Variants in RTL9 observed in about 807,000 individuals in gnomAD.
The protein encoded by RTL9 is retrotransposon Gag-like protein 9.
A neutral mutation model predicts 44.7 loss-of-function variants in RTL9; 19 were observed. The observed-to-expected ratio is 0.42, with a 90% confidence interval of 0.30 to 0.62. The LOEUF is 0.62. Among genes scored for constraint, RTL9 ranks in the 20% least tolerant of loss-of-function variants. The pLI is 0.16. For synonymous variants in RTL9, 407 were observed against 398.9 expected (o/e 1.02, Z -0.24); for missense variants, 1,105 against 1,080.6 (o/e 1.02, Z -0.32).
chrX:110,378,883 A>G (rs904820907), intron 1 of RTL9, among the ~76,000 whole-genome samples: 1 of 109,599 alleles, frequency 9.1e-6, no homozygotes, highest in Admixed American at 9.6e-5. Flanking sequence ...CAGCTTCTCC[A>G]TGGAGAAGAC....
chrX:110,426,619 C>T (rs760036188), intron 1 of RTL9: 1 of 112,255 alleles, frequency 8.9e-6, no homozygotes, highest in Non-Finnish European at 1.9e-5. Flanking sequence ...CAGCCCTATA[C>T]ATATTTGTTA....
intron 1 of RTL9, among the ~76,000 whole-genome samples, chrX:110,380,283 A>G (rs1338315847): frequency 8.9e-6 from 1 of 112,069 alleles, no homozygotes; most frequent in Non-Finnish European, 1.9e-5. Context: ...ACAATAAAAG[A>G]TTTTGTAGTA....
At position 110,385,875 on chromosome X, in the gene RTL9, G is replaced by A. The variant is rs766534304; in HGVS notation, c.-168+26959G>A. Among the ~76,000 whole-genome samples, 4 of 111,276 alleles carry A rather than the reference G, an allele frequency of 3.6e-5. No homozygotes were observed. The South Asian group carries it at 1.5e-3, about 43-fold the overall frequency. Reference sequence around the variant, plus strand: ...ATCGTTCCCATATTTATGTCCATGTGTACCCAGTGTTTAGCTCCCACTTAC... The same window carrying A: ...ATCGTTCCCATATTTATGTCCATGTATACCCAGTGTTTAGCTCCCACTTAC... On this transcript the variant is annotated intron_variant, in intron 1 of 2. Coordinates refer to the RTL9 transcript ENST00000520821.
Position 110,398,951 on chromosome X carries a change from A to G in RTL9, c.-168+40035A>G, listed in dbSNP as rs1176917921. Among the ~76,000 whole-genome samples, 5 of 112,205 alleles carry G rather than the reference A, an allele frequency of 4.5e-5. No individual in the cohort carries two copies. The East Asian group carries it at 1.4e-3, about 31-fold the overall frequency. On this transcript the variant is annotated intron_variant, in intron 1 of 2. Transcript: ENST00000520821. ...TATGTTTTTGCTCATTAGGAAAAAA[A>G]TGCTATGACTGATTATTGATACCTG...
intron 1 of RTL9, among the ~76,000 whole-genome samples, chrX:110,424,245 C>G (rs2068738869): frequency 8.9e-6 from 1 of 111,776 alleles, no homozygotes; most frequent in Non-Finnish European, 1.9e-5. Flanking sequence ...CCCGTCACAG[C>G]TCTTGAGGAC....
At chrX:110,425,729 TGAGA>T (rs1174465187) in intron 1 of RTL9, among the ~76,000 whole-genome samples, 1 of 112,201 alleles carries the variant, frequency 8.9e-6, no homozygotes, top group Non-Finnish European at 1.9e-5. Context: ...GGCATCAGGC[TGAGA>T]GAGGCTAAGT....
chrX:110,443,827 A>G (rs1220018863), intron 1 of RTL9, among the ~76,000 whole-genome samples: 1 of 112,652 alleles, frequency 8.9e-6, no homozygotes, highest in East Asian at 2.8e-4. Flanking sequence ...AGATAGACAT[A>G]TTGTAAACCG....
At chrX:110,396,155 A>G (rs934671764) in intron 1 of RTL9, among the ~76,000 whole-genome samples, 5 of 111,465 alleles carry the variant, frequency 4.5e-5, no homozygotes, top group Non-Finnish European at 9.4e-5. Context: ...AGTATTAGTC[A>G]TACCTATTTG....
chrX:110,361,204 C>T (rs1241942341), intron 1 of RTL9, among the ~76,000 whole-genome samples: 1 of 111,238 alleles, frequency 9.0e-6, no homozygotes, highest in Non-Finnish European at 1.9e-5. Flanking sequence ...GTTGCTCAGG[C>T]GGAAGACCTA....
rs1406840060 is a variant in RTL9 at position 110,454,638 on chromosome X, C to T, written c.4021C>T (p.Leu1341=). Residue 1341 remains leucine (L), a synonymous_variant, in exon 1 of 2, where the codon CTG becomes TTG. Coordinates refer to ENST00000540313, the Ensembl canonical transcript of RTL9. ...TAATGAGGAGGCCATGGGGAATGAACTGAGCTCTCAGCAGCAGACTGAGGA... is the reference window on the plus strand; with the variant it reads ...TAATGAGGAGGCCATGGGGAATGAATTGAGCTCTCAGCAGCAGACTGAGGA... 4.2e-6 allele frequency: 5 copies of T among 1,197,357 alleles called. No individual in the cohort carries two copies. The Admixed American group carries it at 6.7e-5, about 16-fold the overall frequency.
At chrX:110,427,182 T>C (rs2068760288) in intron 1 of RTL9, among the ~76,000 whole-genome samples, 1 of 112,157 alleles carries the variant, frequency 8.9e-6, no homozygotes, top group Admixed American at 9.4e-5. Context: ...CAATACCTTC[T>C]GGTTTTCTCA....
exon 1 of RTL9, chrX:110,452,619 G>A: frequency 8.3e-7 from 1 of 1,209,589 alleles, no homozygotes; most frequent in Non-Finnish European, 1.1e-6. Flanking sequence ...AGGGTTGTCT[G>A]CATCGCTAAT....
intron 1 of RTL9, among the ~76,000 whole-genome samples, chrX:110,396,596 T>G (rs1017745307): frequency 8.9e-6 from 1 of 112,053 alleles, no homozygotes. Flanking sequence ...CAGTTTGATG[T>G]GTATTGGGTA....
chrX:110,452,200 T>C lies in RTL9; in HGVS notation c.1583T>C (p.Leu528Ser), dbSNP rs769283529. 15 of 1,209,415 alleles carry C rather than the reference T, an allele frequency of 1.2e-5. No homozygotes were observed. In the East Asian group the frequency reaches 4.4e-4, roughly 36 times the overall value. Residue 528 changes from leucine (L) to serine (S), a missense_variant, in exon 1 of 2, where the codon TTG becomes TCG. Coordinates refer to ENST00000540313, the Ensembl canonical transcript of RTL9. ...TCTGAAACAATGTCCATGCCACAAT[T>C]GACAGTCCCAGCCTCTGGATCAATG... is the stretch of plus-strand genomic sequence containing the variant.
intron 1 of RTL9, among the ~76,000 whole-genome samples, chrX:110,380,204 G>T (rs1448033013): frequency 8.9e-6 from 1 of 111,757 alleles, no homozygotes; most frequent in Non-Finnish European, 1.9e-5. Flanking sequence ...AATTAAGGTT[G>T]CAAAATTGTG....
intron 1 of RTL9, among the ~76,000 whole-genome samples, chrX:110,402,538 G>C (rs1268461963): frequency 8.9e-6 from 1 of 112,740 alleles, no homozygotes; most frequent in East Asian, 2.8e-4. Context: ...AGCTGACTGA[G>C]AGCTGTGTCC....
chrX:110,372,214 G>T (rs1239859029), intron 1 of RTL9, among the ~76,000 whole-genome samples: 1 of 112,201 alleles, frequency 8.9e-6, no homozygotes, highest in African/African-American at 3.2e-5. Flanking sequence ...GGTGAGTATT[G>T]GTTATCTTTT....
chrX:110,388,900 G>A (rs970624773), intron 1 of RTL9, among the ~76,000 whole-genome samples: 6 of 112,488 alleles, frequency 5.3e-5, no homozygotes, highest in Non-Finnish European at 1.1e-4. Context: ...TGGGGAGAGT[G>A]TGAACTGGCT....
At chrX:110,406,066 A>G (rs1156752611) in intron 1 of RTL9, among the ~76,000 whole-genome samples, 1 of 108,325 alleles carries the variant, frequency 9.2e-6, no homozygotes, top group East Asian at 2.8e-4. Flanking sequence ...TCCACCCCCG[A>G]CTCCCCAAAT....
Sources: allele counts gnomAD v4.1 joint callset (sites outside exome capture counted in the v4.1 genomes callset), GRCh38; gene constraint gnomAD v4.1.1; transcripts MANE v1.5; gene names NCBI Gene and HGNC (gene_info 2026-07-23, HGNC 2026-07-21).